Variants in CDH18 observed in about 807,000 individuals in gnomAD.
CDH18 encodes cadherin-18.
In CDH18, 31 loss-of-function variants were observed where a neutral mutation model predicts 67.9. The observed-to-expected ratio is 0.46, with a 90% CI of 0.34 to 0.62. CDH18 has a LOEUF of 0.62. Among genes scored for constraint, CDH18 ranks in the 20% least tolerant of loss-of-function variants. CDH18 has a pLI of 0.01. For synonymous variants in CDH18, 362 were observed against 347.2 expected (o/e 1.04, Z -0.48); for missense variants, 890 against 975.5 (o/e 0.91, Z 1.17).
chr5:19,815,334 A>G (rs927344826), intron 3 of CDH18, among the ~76,000 whole-genome samples: 1 of 151,988 alleles, frequency 6.6e-6, no homozygotes. Flanking sequence ...TCCCATTTCA[A>G]GGAAGCTATG....
At chr5:19,601,228 G>A (rs1392029476) in intron 6 of CDH18, among the ~76,000 whole-genome samples, 1 of 152,086 alleles carries the variant, frequency 6.6e-6, no homozygotes, top group African/African-American at 2.4e-5. Context: ...GATTGGCTAA[G>A]AAAGAGAAAG....
chr5:19,613,485 C>A (rs1418773912), intron 5 of CDH18, among the ~76,000 whole-genome samples: 1 of 151,874 alleles, frequency 6.6e-6, no homozygotes, highest in Non-Finnish European at 1.5e-5. Flanking sequence ...AGTATTTAGG[C>A]AAAATAAAGA....
chr5:19,581,893 T>C (rs1414521565), intron 7 of CDH18, among the ~76,000 whole-genome samples: 2 of 152,076 alleles, frequency 1.3e-5, no homozygotes, highest in Non-Finnish European at 2.9e-5. Context: ...TTTGTGGCCC[T>C]TGTCAGAGGT....
At chr5:20,083,425 G>C (rs554110921) in intron 2 of CDH18, among the ~76,000 whole-genome samples, 160 of 152,130 alleles carry the variant, frequency 1.1e-3, no homozygotes, top group Non-Finnish European at 1.2e-3. Context: ...AAATTGCAGA[G>C]TTGTGGCAAC....
intron 10 of CDH18, among the ~76,000 whole-genome samples, chr5:19,509,465 G>A (rs1447624710): frequency 2.6e-5 from 4 of 152,036 alleles, no homozygotes; most frequent in Admixed American, 2.6e-4. Context: ...AATACATAGT[G>A]TCCTGTTTAG....
At chr5:20,087,145 C>T (rs977598069) in intron 2 of CDH18, among the ~76,000 whole-genome samples, 3 of 152,020 alleles carry the variant, frequency 2.0e-5, no homozygotes, top group Admixed American at 1.3e-4. Context: ...GAGGAAGTAA[C>T]TCAAGATATG....
intron 10 of CDH18, among the ~76,000 whole-genome samples, chr5:19,510,987 A>T (rs896508579): frequency 6.6e-6 from 1 of 151,812 alleles, no homozygotes; most frequent in African/African-American, 2.4e-5. Context: ...AATTTTTTGT[A>T]TTTTGAAAGA....
chr5:19,618,960 G>T (rs1750274212), intron 5 of CDH18, among the ~76,000 whole-genome samples: 1 of 152,004 alleles, frequency 6.6e-6, no homozygotes, highest in Non-Finnish European at 1.5e-5. Flanking sequence ...CCTGATTATG[G>T]TGATTTAGGT....
At position 19,667,362 on chromosome 5, in the gene CDH18, T is replaced by C. The variant is rs1437423532; in HGVS notation, c.643+53985A>G. Among the ~76,000 whole-genome samples the C allele has an allele frequency of 2.0e-5, 3 of 151,384 alleles. No homozygotes were observed. The East Asian group carries it at 5.8e-4, about 29-fold the overall frequency. On this transcript the variant is annotated intron_variant, in intron 5 of 12. Transcript: ENST00000382275. ...ACTTTTATGTGGTAGTAAATAAATATAATACTTAATCAGTTAATTATTAAA... is the reference window on the plus strand; with the variant it reads ...ACTTTTATGTGGTAGTAAATAAATACAATACTTAATCAGTTAATTATTAAA...
At chr5:20,277,642 C>A (rs1745906972) in intron 1 of CDH18, among the ~76,000 whole-genome samples, 1 of 152,062 alleles carries the variant, frequency 6.6e-6, no homozygotes, top group Admixed American at 6.6e-5. Flanking sequence ...TAAGACCACC[C>A]AGGAAAACAT....
intron 11 of CDH18, among the ~76,000 whole-genome samples, chr5:19,489,539 G>A (rs574429919): frequency 1.3e-4 from 20 of 152,090 alleles, no homozygotes; most frequent in South Asian, 4.2e-4. Flanking sequence ...GAGCCACCGC[G>A]CCTGGCCAAT....
intron 2 of CDH18, among the ~76,000 whole-genome samples, chr5:20,027,432 T>A (rs1405635330): frequency 6.6e-6 from 1 of 152,214 alleles, no homozygotes; most frequent in Non-Finnish European, 1.5e-5. Flanking sequence ...GACAATTGGT[T>A]ATTAAAAAGT....
At chr5:19,667,507 T>C (rs10074460) in intron 5 of CDH18, among the ~76,000 whole-genome samples, 10,469 of 129,020 alleles carry the variant, frequency 0.081, 496 homozygotes, top group African/African-American at 0.17. Context: ...TATATATATA[T>C]ACACACACAC....
intron 6 of CDH18, among the ~76,000 whole-genome samples, chr5:19,603,304 G>C (rs1248786063): frequency 6.6e-6 from 1 of 152,002 alleles, no homozygotes; most frequent in African/African-American, 2.4e-5. Context: ...AAAGTACCTA[G>C]AACAGTAAAA....
At chr5:20,401,460 C>A (rs947115500) in intron 1 of CDH18, among the ~76,000 whole-genome samples, 1 of 152,028 alleles carries the variant, frequency 6.6e-6, no homozygotes, top group Non-Finnish European at 1.5e-5. Flanking sequence ...TTTCTACATA[C>A]GGTAGCATAA....
At chr5:20,049,695 G>A (rs1741241712) in intron 2 of CDH18, among the ~76,000 whole-genome samples, 1 of 151,610 alleles carries the variant, frequency 6.6e-6, no homozygotes, top group Non-Finnish European at 1.5e-5. Context: ...GGATCTCAAT[G>A]GATTTCAAGT....
intron 1 of CDH18, among the ~76,000 whole-genome samples, chr5:20,501,569 A>AATATATATATTATATATATATATT (rs1754300199): frequency 4.9e-4 from 8 of 16,192 alleles, no homozygotes; most frequent in Admixed American, 4.4e-3. Context: ...ATATATATAT[A>AATATATATATTATATATATATATT]ATATATATAT....
At chr5:20,537,667 A>G (rs1000031033) in intron 1 of CDH18, among the ~76,000 whole-genome samples, 1 of 152,180 alleles carries the variant, frequency 6.6e-6, no homozygotes, top group African/African-American at 2.4e-5. Flanking sequence ...CTATTCAAAC[A>G]CTGAACAGCT....
In CDH18 at chr5:19,543,978, G is replaced by A. The variant is rs371583912; in HGVS notation, c.1281C>T (p.Asp427=). The change falls in exon 9 of 13, where the codon GAC becomes GAT. Residue 427 remains aspartate (D), a synonymous_variant. Coordinates refer to ENST00000382275, the MANE Select transcript of CDH18 (RefSeq NM_004934.5). The part of the protein sequence containing the change: ...VRYFINYNVE[D]DRFFNIDANT... ...TGGCATCAATGTTGAAAAATCTGTCGTCTTCAACATTGTAGTTGATGAAGT... is the reference window on the plus strand; with the variant it reads ...TGGCATCAATGTTGAAAAATCTGTCATCTTCAACATTGTAGTTGATGAAGT... 1.1e-4 allele frequency: 171 copies of A among 1,585,532 alleles called. No homozygotes were observed. Among genetic ancestry groups the A allele is most frequent in the Admixed American group, 1.9e-4 (11 of 59,324 alleles).
Sources: allele counts gnomAD v4.1 joint callset (sites outside exome capture counted in the v4.1 genomes callset), GRCh38; gene constraint gnomAD v4.1.1; transcripts MANE v1.5; gene names NCBI Gene and HGNC (gene_info 2026-07-23, HGNC 2026-07-21).